PIK3CB: variants seen among roughly 807,000 people sequenced by gnomAD.
PIK3CB encodes phosphatidylinositol 4,5-bisphosphate 3-kinase catalytic subunit beta isoform.
In PIK3CB, 39 loss-of-function variants were observed where a neutral mutation model predicts 136.8. The ratio of observed to expected loss-of-function variants is 0.29; its 90% confidence interval spans 0.22 to 0.37. The LOEUF (loss-of-function observed/expected upper bound fraction) is 0.37, where lower values mean the gene tolerates loss of function less well. Among genes scored for constraint, PIK3CB ranks in the 10% least tolerant of loss-of-function variants. The pLI is 1.00. For missense variants in PIK3CB, 868 were observed against 1,275.4 expected (o/e 0.68, Z 4.87); for synonymous variants, 428 against 436.6 (o/e 0.98, Z 0.25).
At chr3:138,747,598 T>C (rs908633583) in intron 4 of PIK3CB, among the ~76,000 whole-genome samples, 6 of 147,256 alleles carry the variant, frequency 4.1e-5, no homozygotes, top group African/African-American at 1.5e-4. Context: ...CCATGTATGG[T>C]TGTCTAAATG....
At chr3:138,773,206 G>C (rs1401335193) in intron 2 of PIK3CB, among the ~76,000 whole-genome samples, 1 of 152,012 alleles carries the variant, frequency 6.6e-6, no homozygotes, top group East Asian at 1.9e-4. Context: ...TTCAAGACCA[G>C]CCTGGCCAAC....
At chr3:138,751,832 G>A (rs1048347501) in intron 4 of PIK3CB, among the ~76,000 whole-genome samples, 1 of 151,898 alleles carries the variant, frequency 6.6e-6, no homozygotes, top group Non-Finnish European at 1.5e-5. Context: ...TTAGCTGGGT[G>A]TAGTCATGCA....
At chr3:138,656,913 G>A (rs1250514416) in intron 22 of PIK3CB, among the ~76,000 whole-genome samples, 3 of 152,012 alleles carry the variant, frequency 2.0e-5, no homozygotes, top group African/African-American at 4.8e-5. Context: ...GATTACAGGC[G>A]TGTGCCACCA....
At chr3:138,747,738 T>A (rs1576383284) in intron 4 of PIK3CB, among the ~76,000 whole-genome samples, 1 of 152,222 alleles carries the variant, frequency 6.6e-6, no homozygotes, top group East Asian at 1.9e-4. Flanking sequence ...ATTTCTAGGC[T>A]GTGATTCGTC....
intron 3 of PIK3CB, among the ~76,000 whole-genome samples, chr3:138,758,287 T>C (rs1267336771): frequency 6.6e-6 from 1 of 152,170 alleles, no homozygotes; most frequent in Non-Finnish European, 1.5e-5. Context: ...GAAGTTTCTG[T>C]TTGGGATGAT....
intron 1 of PIK3CB, among the ~76,000 whole-genome samples, chr3:138,812,149 G>A (rs956062617): frequency 2.6e-5 from 4 of 151,516 alleles, no homozygotes; most frequent in African/African-American, 7.3e-5. Flanking sequence ...TTCTCGAAAC[G>A]ACAAAATCAT....
At position 138,698,961 on chromosome 3, in the gene PIK3CB, T is replaced by C. The variant is rs1261724145; in HGVS notation, c.1716A>G (p.Ser572=). The change falls in exon 13 of 24, where the codon TCA becomes TCG. Residue 572 remains serine (S), a synonymous_variant. Coordinates refer to ENST00000674063, the MANE Select transcript of PIK3CB (RefSeq NM_006219.3). ...TGATTGACAGCAGTAATTTTGGCAGTGATTGTGGGAAAATCTCTCGGCAGT... is the reference window on the plus strand; with the variant it reads ...TGATTGACAGCAGTAATTTTGGCAGCGATTGTGGGAAAATCTCTCGGCAGT... ...RQDCREIFPQ[S]LPKLLLSIKW... 3 of 1,602,550 alleles carry C rather than the reference T, an allele frequency of 1.9e-6. No individual in the cohort carries two copies. The highest frequency in any genetic ancestry group is 1.7e-4 in the Middle Eastern group (1 of 5,986).
At chr3:138,750,077 C>G (rs1219381791) in intron 4 of PIK3CB, among the ~76,000 whole-genome samples, 1 of 152,000 alleles carries the variant, frequency 6.6e-6, no homozygotes, top group African/African-American at 2.4e-5. Flanking sequence ...TGGGGTTTTG[C>G]TATGTTGCCC....
intron 5 of PIK3CB, among the ~76,000 whole-genome samples, chr3:138,739,478 A>C (rs1340884480): frequency 6.6e-6 from 1 of 151,902 alleles, no homozygotes; most frequent in African/African-American, 2.4e-5. Flanking sequence ...TAAATAAAAA[A>C]GACCCCAGAG....
chr3:138,718,921 G>T (rs758351467), intron 8 of PIK3CB, among the ~76,000 whole-genome samples: 2 of 152,084 alleles, frequency 1.3e-5, no homozygotes, highest in Non-Finnish European at 2.9e-5. Flanking sequence ...TTTTGTATTA[G>T]ATATGATTTT....
chr3:138,691,262 T>C (rs1180033921), intron 14 of PIK3CB, 119 bp from the exon 15 acceptor site: 6 of 855,016 alleles, frequency 7.0e-6, no homozygotes, highest in South Asian at 3.6e-5. Flanking sequence ...GGGCCAGGCT[T>C]GTTACATGCT....
Position 138,738,474 on chromosome 3 carries a change from T to C in PIK3CB, c.622-588A>G, listed in dbSNP as rs559176229. On this transcript the variant is annotated intron_variant, in intron 5 of 23. Coordinates refer to ENST00000674063, the MANE Select transcript of PIK3CB (RefSeq NM_006219.3). ...GCACGAGCCACCATGCCCGGCCACA[T>C]ACTGCAGCTATATTTTGTATATATA... Among the ~76,000 whole-genome samples, 96 of 152,252 alleles carry C rather than the reference T, an allele frequency of 6.3e-4. 1 individual carries two copies. Among genetic ancestry groups the C allele is most frequent in the African/African-American group, 2.2e-3 (92 of 41,548 alleles).
chr3:138,672,920 A>G (rs1260606303), intron 19 of PIK3CB, among the ~76,000 whole-genome samples: 2 of 151,252 alleles, frequency 1.3e-5, no homozygotes, highest in African/African-American at 4.8e-5. Context: ...GAAAAAAAAA[A>G]AAAAAAAAAA....
intron 1 of PIK3CB, among the ~76,000 whole-genome samples, chr3:138,828,453 G>A (rs1933885289): frequency 1.3e-5 from 2 of 151,946 alleles, no homozygotes; most frequent in South Asian, 2.1e-4. Flanking sequence ...CCAAAATGCT[G>A]GGATTACAGG....
intron 1 of PIK3CB, among the ~76,000 whole-genome samples, chr3:138,814,096 T>C (rs1933193384): frequency 6.6e-6 from 1 of 152,008 alleles, no homozygotes; most frequent in African/African-American, 2.4e-5. Context: ...TAAGAGGACA[T>C]GGAGGGACAG....
At position 138,657,949 on chromosome 3, in the gene PIK3CB, C is replaced by T. The variant is rs558630945; in HGVS notation, c.2797-114G>A. 4 of 942,672 alleles carry T rather than the reference C, an allele frequency of 4.2e-6. No individual in the cohort carries two copies. In the East Asian group the frequency reaches 7.6e-5, roughly 18 times the overall value. 58.4% of individuals were successfully genotyped at this position (942,672 alleles called of 1,614,324 possible). On this transcript the variant is annotated intron_variant, in intron 21 of 23. Transcript: ENST00000674063. ...AACTATACCCATCCACATCTGAGCC[C>T]TTCTCCCTCTGTTTATAGCCCACTG...
At chr3:138,765,425 C>T (rs746132797) in intron 2 of PIK3CB, among the ~76,000 whole-genome samples, 38 of 152,094 alleles carry the variant, frequency 2.5e-4, no homozygotes, top group Admixed American at 4.6e-4. Context: ...TATAGTCTTT[C>T]AGCACTTACT....
intron 1 of PIK3CB, among the ~76,000 whole-genome samples, chr3:138,834,490 G>A (rs943257780): frequency 6.6e-6 from 1 of 152,186 alleles, no homozygotes; most frequent in Admixed American, 6.5e-5. Flanking sequence ...AGGGCGGGCC[G>A]CAACCAAGCC....
Position 138,655,803 on chromosome 3 carries a change from A to C in PIK3CB, c.3076-277T>G, listed in dbSNP as rs74962912. 9.3e-3 allele frequency among the ~76,000 whole-genome samples: 1,421 copies of C among 152,332 alleles called. 24 individuals carry two copies. The highest frequency in any genetic ancestry group is 0.032 in the African/African-American group (1,324 of 41,568). On this transcript the variant is annotated intron_variant, in intron 23 of 23. Transcript: ENST00000674063. Reference sequence around the variant, plus strand: ...CACCCAAATCCAGTAAGATGACTCAAGACCTACTAAGATCCTGGCAAGAAA... The same window carrying C: ...CACCCAAATCCAGTAAGATGACTCACGACCTACTAAGATCCTGGCAAGAAA...
Sources: allele counts gnomAD v4.1 joint callset (sites outside exome capture counted in the v4.1 genomes callset), GRCh38; gene constraint gnomAD v4.1.1; transcripts MANE v1.5; gene names NCBI Gene and HGNC (gene_info 2026-07-23, HGNC 2026-07-21).